The following SH3RF3 variants were observed in gnomAD, a reference collection of about 807,000 sequenced individuals.
The protein encoded by SH3RF3 is E3 ubiquitin-protein ligase SH3RF3.
In SH3RF3, 29 loss-of-function variants were observed where a neutral mutation model predicts 66.3. That is an observed-to-expected ratio of 0.44 (90% CI 0.33 to 0.60). The LOEUF (loss-of-function observed/expected upper bound fraction) is 0.60. Ranked by LOEUF, SH3RF3 falls within the 20% of genes least tolerant of loss-of-function variation. The probability of loss-of-function intolerance (pLI) is 0.04; values close to 1 mark genes in which losing one functional copy is unlikely to be tolerated. For missense variants in SH3RF3, 1,194 were observed against 1,190.9 expected (o/e 1.00, Z -0.04); for synonymous variants, 583 against 532.0 (o/e 1.10, Z -1.32).
intron 3 of SH3RF3, among the ~76,000 whole-genome samples, chr2:109,388,062 T>C (rs1675873050): frequency 1.3e-5 from 2 of 152,198 alleles, no homozygotes; most frequent in East Asian, 1.9e-4. Context: ...TGAACTCCTT[T>C]AGACAACTCT....
chr2:109,158,115 C>T (rs1026293046), intron 1 of SH3RF3, among the ~76,000 whole-genome samples: 5 of 152,026 alleles, frequency 3.3e-5, no homozygotes, highest in Non-Finnish European at 1.5e-5. Context: ...CAAGAGGGTC[C>T]CATAGCTAGT....
chr2:109,275,354 A>C (rs550276535), intron 1 of SH3RF3, among the ~76,000 whole-genome samples: 2 of 152,306 alleles, frequency 1.3e-5, no homozygotes, highest in African/African-American at 4.8e-5. Flanking sequence ...GATAACGTTG[A>C]TAAGTTGCTC....
intron 1 of SH3RF3, among the ~76,000 whole-genome samples, chr2:109,288,640 A>C (rs1229915393): frequency 6.6e-6 from 1 of 152,192 alleles, no homozygotes; most frequent in East Asian, 1.9e-4. Context: ...ATTGTCACCC[A>C]AGGAGACTGA....
chr2:109,460,477 C>T (rs952799639), intron 8 of SH3RF3, among the ~76,000 whole-genome samples: 1 of 152,140 alleles, frequency 6.6e-6, no homozygotes, highest in African/African-American at 2.4e-5. Context: ...ATGCTGAGCC[C>T]ATGCATCACC....
chr2:109,299,758 T>C (rs1289168666), intron 1 of SH3RF3, among the ~76,000 whole-genome samples: 1 of 152,182 alleles, frequency 6.6e-6, no homozygotes, highest in Non-Finnish European at 1.5e-5. Flanking sequence ...CACTCTCTGC[T>C]CAGTTGGCAG....
At chr2:109,319,458 C>T (rs891428) in intron 1 of SH3RF3, among the ~76,000 whole-genome samples, 43,701 of 151,936 alleles carry the variant, frequency 0.29, 6,760 homozygotes, top group East Asian at 0.65. Flanking sequence ...ACAAGTGATT[C>T]GTTTTCTTAC....
chr2:109,342,723 G>T (rs933486184), intron 1 of SH3RF3, among the ~76,000 whole-genome samples: 12 of 152,222 alleles, frequency 7.9e-5, no homozygotes, highest in Admixed American at 3.3e-4. Context: ...AGAGCCTGCT[G>T]CCACATGCCT....
rs1679454522 is a variant in SH3RF3, at chr2:109,503,689, C to T, written c.*2018C>T. 1 of 152,210 alleles carries T rather than the reference C, an allele frequency of 6.6e-6. No individual in the cohort carries two copies. The highest frequency in any genetic ancestry group is 2.4e-5 in the African/African-American group (1 of 41,446). The allele number at this position is 152,210 out of a possible 1,614,324, so 9.4% of individuals were successfully genotyped here. A position where few individuals can be genotyped will look rare whatever the true frequency, so the allele number is the denominator to read the frequency against. On this transcript the variant is annotated 3_prime_UTR_variant, in exon 10 of 10. Coordinates refer to ENST00000309415, the MANE Select transcript of SH3RF3 (RefSeq NM_001099289.3). ...CAACCTGGATGACGCAGGTGTTCTC[C>T]AGGGAAACCAGACCAAGTCAAGTCT...
chr2:109,228,712 G>T (rs1252547633), intron 1 of SH3RF3, among the ~76,000 whole-genome samples: 1 of 152,094 alleles, frequency 6.6e-6, no homozygotes, highest in Non-Finnish European at 1.5e-5. Context: ...GCAGCCAGAT[G>T]GAGAGGTACA....
chr2:109,503,007 G>C lies in SH3RF3; in HGVS notation c.*1336G>C, dbSNP rs576816406. 2.7e-4 allele frequency: 41 copies of C among 152,324 alleles called. No individual in the cohort carries two copies. Among genetic ancestry groups the C allele is most frequent in the African/African-American group, 8.9e-4 (37 of 41,578 alleles). 9.4% of individuals were successfully genotyped at this position (152,324 alleles called of 1,614,324 possible). A position where few individuals can be genotyped will look rare whatever the true frequency, so the allele number is the denominator to read the frequency against. ...TGCAGGCTTGCAAGATCGGGGAGTT[G>C]GGAGGGCGAGAGAGGAGGAGGTGCA... On this transcript the variant is annotated 3_prime_UTR_variant, in exon 10 of 10. Coordinates refer to ENST00000309415, the MANE Select transcript of SH3RF3 (RefSeq NM_001099289.3).
At chr2:109,328,618 C>T (rs967940256) in intron 1 of SH3RF3, among the ~76,000 whole-genome samples, 1 of 152,196 alleles carries the variant, frequency 6.6e-6, no homozygotes, top group African/African-American at 2.4e-5. Flanking sequence ...TCCAGGTTAT[C>T]CAGGATGCCT....
At chr2:109,273,673 G>A (rs1314856349) in intron 1 of SH3RF3, among the ~76,000 whole-genome samples, 1 of 152,194 alleles carries the variant, frequency 6.6e-6, no homozygotes. Context: ...CGCAACTGCT[G>A]ATGGGGACAC....
At chr2:109,130,843 A>C (rs1215356825) in intron 1 of SH3RF3, among the ~76,000 whole-genome samples, 1 of 152,090 alleles carries the variant, frequency 6.6e-6, no homozygotes, top group African/African-American at 2.4e-5. Flanking sequence ...TCTTCTCTGG[A>C]TGGCTTCAAT....
chr2:109,446,164 T>G (rs1173458838), intron 7 of SH3RF3, among the ~76,000 whole-genome samples: 1 of 152,132 alleles, frequency 6.6e-6, no homozygotes, highest in East Asian at 1.9e-4. Flanking sequence ...ATGAGCACAC[T>G]CTTCACCAGC....
At chr2:109,490,025 A>C (rs956426790) in intron 8 of SH3RF3, among the ~76,000 whole-genome samples, 1 of 152,208 alleles carries the variant, frequency 6.6e-6, no homozygotes, top group African/African-American at 2.4e-5. Context: ...GGCATGAGCC[A>C]CCGTGCCCAG....
At position 109,330,991 on chromosome 2, in the gene SH3RF3, G is replaced by T. The variant is rs529748360; in HGVS notation, c.574-16683G>T. 2.6e-5 allele frequency among the ~76,000 whole-genome samples: 4 copies of T among 152,298 alleles called. No homozygotes were observed. The South Asian group carries it at 8.3e-4, about 32-fold the overall frequency. On this transcript the variant is annotated intron_variant, in intron 1 of 9. Transcript: ENST00000309415. ...AGGTTGTGCCATGCATTAGTTCATG[G>T]TCTAAGTCCATATAAAAAGCCAGGT...
At chr2:109,288,480 A>G (rs1681090010) in intron 1 of SH3RF3, among the ~76,000 whole-genome samples, 1 of 152,220 alleles carries the variant, frequency 6.6e-6, no homozygotes, top group Non-Finnish European at 1.5e-5. Context: ...GATGTCATTA[A>G]GGAAATTATT....
At chr2:109,296,595 A>G (rs1008996293) in intron 1 of SH3RF3, among the ~76,000 whole-genome samples, 1 of 152,110 alleles carries the variant, frequency 6.6e-6, no homozygotes, top group East Asian at 1.9e-4. Context: ...CCTCCTTAAC[A>G]TCCACCTGTG....
Position 109,141,319 on chromosome 2 carries a change from C to G in SH3RF3, c.573+11206C>G, listed in dbSNP as rs1050049416. Among the ~76,000 whole-genome samples, 4 of 152,168 alleles carry G rather than the reference C, an allele frequency of 2.6e-5. No individual in the cohort carries two copies. The South Asian group carries it at 8.3e-4, about 32-fold the overall frequency. On this transcript the variant is annotated intron_variant, in intron 1 of 9. Transcript: ENST00000309415. ...GGCTTTTGCAGTTGCCACTGGCTGG[C>G]TTTCTGGAGGCAGCCTCTCGTCTCT... is the stretch of plus-strand genomic sequence containing the variant.
Sources: gnomAD v4.1 joint callset for allele counts (sites outside exome capture counted in the v4.1 genomes callset) on GRCh38, gnomAD v4.1.1 for gene constraint, MANE v1.5 for transcripts, NCBI Gene and HGNC (gene_info 2026-07-23, HGNC 2026-07-21) for gene names.